The following LRP2 variants were observed in gnomAD, a reference collection of about 807,000 sequenced individuals.
LRP2 encodes the protein low-density lipoprotein receptor-related protein 2.
LRP2 carries 172 observed loss-of-function variants against 531.0 expected under a neutral mutation model. That is an observed-to-expected ratio of 0.32 (90% CI 0.29 to 0.37). The LOEUF (loss-of-function observed/expected upper bound fraction) is 0.37. LRP2 is among the 10% of genes least tolerant of loss of function. LRP2 has a pLI of 1.00. For synonymous variants in LRP2, 1,992 were observed against 2,027.6 expected, an observed-to-expected ratio of 0.98 and a Z score of 0.47; for missense variants, 5,167 against 5,868.3, an observed-to-expected ratio of 0.88 and a Z score of 3.90.
intron 9 of LRP2, among the ~76,000 whole-genome samples, chr2:169,283,691 T>G (rs1361809486): frequency 6.6e-6 from 1 of 152,228 alleles, no homozygotes; most frequent in Non-Finnish European, 1.5e-5. Context: ...TTGAACTTAT[T>G]TTCAAGACAT....
chr2:169,256,137 C>CA lies in LRP2; in HGVS notation c.2738dup (p.Met913IlefsTer18). 6.2e-7 allele frequency: 1 copy of CA among 1,613,026 alleles called. No individual in the cohort carries two copies. ...AGATGGCAAGTCCAAACGGATGTGT[C>CA]ATCTGCTCTATATGGCCCAGTCTTC... On this transcript the variant is annotated frameshift_variant, in exon 19 of 79. Transcript: ENST00000649046. LOFTEE classifies it high-confidence loss of function.
chr2:169,346,199 C>T (rs1287305321), intron 1 of LRP2, among the ~76,000 whole-genome samples: 26 of 152,166 alleles, frequency 1.7e-4, no homozygotes, highest in Non-Finnish European at 2.9e-5. Context: ...CCTTCTTAGC[C>T]CAAGTCCCTC....
At chr2:169,301,731 C>T (rs1559065200) in intron 4 of LRP2, among the ~76,000 whole-genome samples, 2 of 152,090 alleles carry the variant, frequency 1.3e-5, no homozygotes, top group Non-Finnish European at 2.9e-5. Flanking sequence ...TCTCTCCCTG[C>T]CTGCCTCCCT....
At chr2:169,170,921 GT>G (rs57451386) in intron 58 of LRP2, among the ~76,000 whole-genome samples, 16,613 of 90,774 alleles carry the variant, frequency 0.18, 410 homozygotes, top group Middle Eastern at 0.29. Context: ...CTCTCTCTCT[GT>G]TTTTTTTTTT....
At chr2:169,272,530 A>C (rs906457237) in intron 15 of LRP2, among the ~76,000 whole-genome samples, 21 of 152,270 alleles carry the variant, frequency 1.4e-4, no homozygotes, top group African/African-American at 1.4e-4. Context: ...GAAGTACAGT[A>C]CTTCCCATCA....
rs1366305190 is a variant in LRP2 at position 169,139,237 on chromosome 2, A to AT, written c.13388+13dup. The AT allele has an allele frequency of 2.5e-6, 4 of 1,614,040 alleles. No individual in the cohort carries two copies. The highest frequency in any genetic ancestry group is 3.4e-6 in the Non-Finnish European group (4 of 1,179,990). On this transcript the variant is annotated intron_variant, in intron 74 of 78. Coordinates refer to ENST00000649046, the MANE Select transcript of LRP2 (RefSeq NM_004525.3). ...TAGGCTTCAAACATCAACGTTCCCC[A>AT]TAATGAAACTGACCTTGGCAGCTTG...
chr2:169,308,491 C>T lies in LRP2; in HGVS notation c.311-1094G>A, dbSNP rs192990929. Among the ~76,000 whole-genome samples, 12 of 152,168 alleles carry T rather than the reference C, an allele frequency of 7.9e-5. 2 individuals are homozygous for T. The highest frequency in any genetic ancestry group is 2.4e-4 in the African/African-American group (10 of 41,532). ...TGCGGTGTTTGGTTTTCTGTCCTTGCGATAGTTTGCTCAGAATGATCGTTT... is the reference window on the plus strand; with the variant it reads ...TGCGGTGTTTGGTTTTCTGTCCTTGTGATAGTTTGCTCAGAATGATCGTTT... On this transcript the variant is annotated intron_variant, in intron 3 of 78. Coordinates refer to ENST00000649046, the MANE Select transcript of LRP2 (RefSeq NM_004525.3).
At chr2:169,313,430 A>G (rs1257836829) in intron 3 of LRP2, among the ~76,000 whole-genome samples, 2 of 152,128 alleles carry the variant, frequency 1.3e-5, no homozygotes, top group Admixed American at 6.5e-5. Context: ...CCTTCTAACC[A>G]TCAGGACCCT....
At chr2:169,172,336 A>G (rs1687037332) in intron 57 of LRP2, among the ~76,000 whole-genome samples, 1 of 152,206 alleles carries the variant, frequency 6.6e-6, no homozygotes, top group African/African-American at 2.4e-5. Context: ...AACTCGATCC[A>G]TTCCCATTGG....
chr2:169,256,200 A>T lies in LRP2; in HGVS notation c.2676T>A (p.Asp892Glu), dbSNP rs528235589. The change falls in exon 19 of 79, where the codon GAT (aspartate) becomes GAA (glutamate). Residue 892 changes from aspartate (D) to glutamate (E), a missense_variant. Physicochemically the swap from Asp to Glu is conservative, Grantham distance 45. This residue lies in a region of LRP2 where 2,811 missense variants were observed against 3,058.0 expected (regional missense o/e 0.92). Coordinates refer to ENST00000649046, the MANE Select transcript of LRP2 (RefSeq NM_004525.3). ...SRLYWVDAYF[D>E]KIEHSTFDGL... ...CATCAAAGGTGCTGTGCTCAATTTTATCAAAATAGGCATCTACCCAGTACA... is the reference window on the plus strand; with the variant it reads ...CATCAAAGGTGCTGTGCTCAATTTTTTCAAAATAGGCATCTACCCAGTACA... 6.2e-6 allele frequency: 10 copies of T among 1,612,906 alleles called. No individual in the cohort carries two copies. The African/African-American group carries it at 8.0e-5, about 13-fold the overall frequency.
intron 4 of LRP2, among the ~76,000 whole-genome samples, chr2:169,297,433 C>A (rs1313408100): frequency 6.6e-6 from 1 of 152,070 alleles, no homozygotes; most frequent in Non-Finnish European, 1.5e-5. Context: ...TATAAGAACA[C>A]CAAGGAAACT....
intron 1 of LRP2, among the ~76,000 whole-genome samples, chr2:169,347,897 C>T (rs1685737612): frequency 1.3e-5 from 2 of 152,078 alleles, no homozygotes; most frequent in Admixed American, 6.5e-5. Flanking sequence ...ATGGTACCAG[C>T]CTCTGAAATG....
rs114035992 is a variant in LRP2, at chr2:169,337,476, G to T, written c.80-16592C>A. Reference sequence around the variant, plus strand: ...AGGCCAGCCCAAATACAGTCAAAGGGCTTTTCAGGAGAATTTGGTGACATC... The same window carrying T: ...AGGCCAGCCCAAATACAGTCAAAGGTCTTTTCAGGAGAATTTGGTGACATC... On this transcript the variant is annotated intron_variant, in intron 1 of 78. Transcript: ENST00000649046. Among the ~76,000 whole-genome samples the T allele has an allele frequency of 4.1e-3, 622 of 152,272 alleles. 8 individuals carry two copies. The highest frequency in any genetic ancestry group is 0.014 in the African/African-American group (587 of 41,542).
At chr2:169,143,427 G>A (rs146901930) in intron 70 of LRP2, among the ~76,000 whole-genome samples, 5,713 of 152,214 alleles carry the variant, frequency 0.038, 236 homozygotes, top group African/African-American at 0.095. Flanking sequence ...CGGATCACGA[G>A]GTCAGGAGAT....
chr2:169,132,686 G>C lies in LRP2; in HGVS notation c.13621-5C>G, dbSNP rs774679368. On this transcript the variant is annotated splice_region_variant and splice_polypyrimidine_tract_variant and intron_variant, in intron 76 of 78. Transcript: ENST00000649046. ...CACATTTTCAGATACAGTCACCTGT[G>C]GACATGTTAAAGGCCTTTACCCAAT... 2 of 1,447,406 alleles carry C rather than the reference G, an allele frequency of 1.4e-6. No homozygotes were observed. The highest frequency in any genetic ancestry group is 4.5e-5 in the East Asian group (2 of 44,096). 89.7% of individuals were successfully genotyped at this position (1,447,406 alleles called of 1,614,324 possible). A position where few individuals can be genotyped will look rare whatever the true frequency, so the allele number is the denominator to read the frequency against.
chr2:169,299,192 A>G (rs1238214483), intron 4 of LRP2, among the ~76,000 whole-genome samples: 2 of 151,640 alleles, frequency 1.3e-5, no homozygotes, highest in Middle Eastern at 3.4e-3. Flanking sequence ...AAAGAAAGAA[A>G]TTCAGCACCT....
intron 16 of LRP2, among the ~76,000 whole-genome samples, chr2:169,266,235 T>A (rs190766621): frequency 2.2e-4 from 33 of 151,846 alleles, no homozygotes; most frequent in Admixed American, 1.9e-3. Flanking sequence ...AGCAAAACGC[T>A]CACCTAGAAC....
rs560457586 is a variant in LRP2 at position 169,193,292 on chromosome 2, G to C, written c.8830+469C>G. On this transcript the variant is annotated intron_variant, in intron 47 of 78. Transcript: ENST00000649046. ...AAAAAAAGTATAAAAAATCAGCCAGGCATGGTGGTGGGCGTATGGTCCCAA... is the reference window on the plus strand; with the variant it reads ...AAAAAAAGTATAAAAAATCAGCCAGCCATGGTGGTGGGCGTATGGTCCCAA... Among the ~76,000 whole-genome samples the C allele has an allele frequency of 2.0e-5, 3 of 152,036 alleles. No homozygotes were observed. In the South Asian group the frequency reaches 6.2e-4, roughly 31 times the overall value.
intron 48 of LRP2, among the ~76,000 whole-genome samples, chr2:169,191,474 C>T (rs77628446): frequency 0.022 from 3,279 of 152,244 alleles, 112 homozygotes; most frequent in African/African-American, 0.075. Flanking sequence ...CTGTCTTTCA[C>T]AGGCCCTAGG....
Sources: gnomAD v4.1 joint callset for allele counts (sites outside exome capture counted in the v4.1 genomes callset) on GRCh38, gnomAD v4.1.1 for gene constraint, gnomAD v4.1.1 regional missense constraint, MANE v1.5 for transcripts, NCBI Gene and HGNC (gene_info 2026-07-23, HGNC 2026-07-21) for gene names.